The following ZFYVE28 variants were observed in gnomAD, a reference collection of about 807,000 sequenced individuals.
ZFYVE28 encodes lateral signaling target protein 2 homolog.
ZFYVE28 carries 40 observed loss-of-function variants against 82.1 expected under a neutral mutation model. The ratio of observed to expected loss-of-function variants is 0.49; its 90% CI spans 0.38 to 0.63. ZFYVE28 has a LOEUF of 0.63. Among genes scored for constraint, ZFYVE28 ranks in the 30% least tolerant of loss-of-function variants. The probability of loss-of-function intolerance (pLI) is 0.00; values close to 1 mark genes in which losing one functional copy is unlikely to be tolerated. For synonymous variants in ZFYVE28, 612 were observed against 546.1 expected (o/e 1.12, Z -1.68); for missense variants, 1,321 against 1,242.1 (o/e 1.06, Z -0.96).
chr4:2,356,398 A>AC (rs1418300640), intron 1 of ZFYVE28, among the ~76,000 whole-genome samples: 1 of 150,000 alleles, frequency 6.7e-6, no homozygotes, highest in Non-Finnish European at 1.5e-5. Flanking sequence ...ACAGACCCAG[A>AC]CCCCGCCCCC....
At chr4:2,397,953 G>A (rs908288928) in intron 1 of ZFYVE28, among the ~76,000 whole-genome samples, 2 of 136,710 alleles carry the variant, frequency 1.5e-5, no homozygotes, top group South Asian at 2.4e-4. Flanking sequence ...GCTGAGGCGG[G>A]TTTCCAGGTG....
chr4:2,365,461 G>A (rs561209303), intron 1 of ZFYVE28, among the ~76,000 whole-genome samples: 1 of 152,106 alleles, frequency 6.6e-6, no homozygotes, highest in Non-Finnish European at 1.5e-5. Context: ...GTCTGCGCCA[G>A]TCACCCAGGC....
intron 1 of ZFYVE28, among the ~76,000 whole-genome samples, chr4:2,367,199 T>C (rs1282119611): frequency 6.6e-6 from 1 of 152,236 alleles, no homozygotes; most frequent in African/African-American, 2.4e-5. Context: ...AGCCTGTATC[T>C]GACAGCTGGG....
At chr4:2,370,590 C>T (rs1001898047) in intron 1 of ZFYVE28, among the ~76,000 whole-genome samples, 2 of 152,184 alleles carry the variant, frequency 1.3e-5, no homozygotes, top group East Asian at 1.9e-4. Context: ...CCAATCCTGC[C>T]GGCCCAGGGC....
chr4:2,391,414 G>A (rs1268795539), intron 1 of ZFYVE28, among the ~76,000 whole-genome samples: 2 of 146,710 alleles, frequency 1.4e-5, no homozygotes, highest in Non-Finnish European at 3.0e-5. Flanking sequence ...ACAATGCAAG[G>A]TTACTGTCTT....
At position 2,341,640 on chromosome 4, in the gene ZFYVE28, G is replaced by C. The variant is rs955596961; in HGVS notation, c.181-25C>G. On this transcript the variant is annotated intron_variant, in intron 2 of 12. Transcript: ENST00000290974. The surrounding 1 kb of genome is among the most constrained non-coding windows in gnomAD (Gnocchi z 4.5). Reference sequence around the variant, plus strand: ...CCTGAAACAGAAGACAGGAGAAAGTGCGCCAATCGCTGTGTCCAGCTGGCG... The same window carrying C: ...CCTGAAACAGAAGACAGGAGAAAGTCCGCCAATCGCTGTGTCCAGCTGGCG... 2 of 1,594,876 alleles carry C rather than the reference G, an allele frequency of 1.3e-6. No homozygotes were observed. The highest frequency in any genetic ancestry group is 1.7e-6 in the Non-Finnish European group (2 of 1,164,666).
chr4:2,277,833 A>T (rs959029977), intron 8 of ZFYVE28, among the ~76,000 whole-genome samples: 3 of 152,224 alleles, frequency 2.0e-5, no homozygotes, highest in Non-Finnish European at 2.9e-5. Flanking sequence ...AAAATGGACA[A>T]TATGATCCTA....
Position 2,417,528 on chromosome 4 carries a change from G to C in ZFYVE28, c.39+757C>G, listed in dbSNP as rs1319592965. Among the ~76,000 whole-genome samples the C allele has an allele frequency of 6.6e-6, 1 of 151,840 alleles. No homozygotes were observed. The highest frequency in any genetic ancestry group is 2.4e-5 in the African/African-American group (1 of 41,398). Reference sequence around the variant, plus strand: ...AGAGCCGCACCTCCCGCCCCGCCGAGGCTGCTGGCCACGGGCGCGCTCGCC... The same window carrying C: ...AGAGCCGCACCTCCCGCCCCGCCGACGCTGCTGGCCACGGGCGCGCTCGCC... On this transcript the variant is annotated intron_variant, in intron 1 of 12. Transcript: ENST00000290974. The surrounding 1 kb of genome is among the most constrained non-coding windows in gnomAD (Gnocchi z 4.8).
chr4:2,308,397 T>C (rs1335108515), intron 7 of ZFYVE28, among the ~76,000 whole-genome samples: 1 of 151,542 alleles, frequency 6.6e-6, no homozygotes, highest in African/African-American at 2.4e-5. Flanking sequence ...CCAAAGCCCA[T>C]TGAGAGTAGA....
chr4:2,365,338 G>T (rs1033347570), intron 1 of ZFYVE28, among the ~76,000 whole-genome samples: 2 of 151,728 alleles, frequency 1.3e-5, no homozygotes, highest in African/African-American at 4.8e-5. Context: ...CGCTGCCTCT[G>T]GGCCCGCACG....
At chr4:2,270,948 A>C in intron 12 of ZFYVE28, 92 bp from the exon 13 acceptor site, 10 of 1,520,394 alleles carry the variant, frequency 6.6e-6, no homozygotes, top group Non-Finnish European at 8.9e-6. Flanking sequence ...CACCCAGCTC[A>C]GGCCGCATTG....
At chr4:2,302,161 C>G (rs1715658003) in intron 8 of ZFYVE28, among the ~76,000 whole-genome samples, 1 of 152,232 alleles carries the variant, frequency 6.6e-6, no homozygotes. Flanking sequence ...GGGTGTGTAT[C>G]TGAACATCCA....
At chr4:2,321,275 C>A (rs1212584779) in intron 6 of ZFYVE28, among the ~76,000 whole-genome samples, 1 of 152,172 alleles carries the variant, frequency 6.6e-6, no homozygotes, top group Non-Finnish European at 1.5e-5. Context: ...TAGGTCCAGC[C>A]AACACCGAGT....
intron 1 of ZFYVE28, among the ~76,000 whole-genome samples, chr4:2,367,683 A>T (rs1315513133): frequency 6.6e-6 from 1 of 152,200 alleles, no homozygotes; most frequent in African/African-American, 2.4e-5. Context: ...TGGGGCCACA[A>T]CAGCCGGCCC....
At chr4:2,277,905 G>C (rs573832062) in intron 8 of ZFYVE28, among the ~76,000 whole-genome samples, 5 of 152,182 alleles carry the variant, frequency 3.3e-5, no homozygotes, top group Non-Finnish European at 7.3e-5. Context: ...ACAAGTTGGA[G>C]GACTCACACT....
At chr4:2,381,686 C>T (rs1447405502) in intron 1 of ZFYVE28, among the ~76,000 whole-genome samples, 1 of 152,156 alleles carries the variant, frequency 6.6e-6, no homozygotes, top group South Asian at 2.1e-4. Flanking sequence ...GGATTATAGG[C>T]GTGAGCCACT....
chr4:2,384,528 C>A (rs141782371), intron 1 of ZFYVE28, among the ~76,000 whole-genome samples: 3 of 151,872 alleles, frequency 2.0e-5, no homozygotes, highest in Admixed American at 1.3e-4. Context: ...TAAGCAAGAA[C>A]GAGAGGAGGG....
At chr4:2,292,199 G>A (rs1010764787) in intron 8 of ZFYVE28, among the ~76,000 whole-genome samples, 2 of 152,188 alleles carry the variant, frequency 1.3e-5, no homozygotes, top group African/African-American at 4.8e-5. Flanking sequence ...GGAAGGGATG[G>A]CCCAGCCATG....
intron 8 of ZFYVE28, among the ~76,000 whole-genome samples, chr4:2,292,182 C>T (rs1713823728): frequency 6.6e-6 from 1 of 152,126 alleles, no homozygotes; most frequent in East Asian, 1.9e-4. Flanking sequence ...GGCCGGAGAG[C>T]TGGGTTGGAA....
Sources: allele counts gnomAD v4.1 joint callset (sites outside exome capture counted in the v4.1 genomes callset), GRCh38; gene constraint gnomAD v4.1.1; non-coding constraint Gnocchi (gnomAD v3.1); transcripts MANE v1.5; gene names NCBI Gene and HGNC (gene_info 2026-07-23, HGNC 2026-07-21).